Variants in SCN10A observed in about 807,000 individuals in gnomAD.
SCN10A encodes sodium channel protein type 10 subunit alpha.
Under a neutral mutation model 170.7 loss-of-function variants are expected in SCN10A, and 162 were observed. The observed-to-expected ratio is 0.95, with a 90% CI of 0.84 to 1.08. SCN10A has a LOEUF of 1.08. Ranked by LOEUF, SCN10A falls within the 50% of genes least tolerant of loss-of-function variation. The pLI is 0.00. For synonymous variants in SCN10A, 985 were observed against 904.6 expected, an observed-to-expected ratio of 1.09 and a Z score of -1.59; for missense variants, 2,527 against 2,436.9, an observed-to-expected ratio of 1.04 and a Z score of -0.78.
Position 38,728,777 on chromosome 3 carries a change from G to GCAAAGA in SCN10A, c.2399_2404dup (p.Val800_Phe801dup). 1 of 1,614,170 alleles carries GCAAAGA rather than the reference G, an allele frequency of 6.2e-7. No homozygotes were observed. Among genetic ancestry groups the GCAAAGA allele is most frequent in the Non-Finnish European group, 8.5e-7 (1 of 1,180,036 alleles). On this transcript the variant is annotated inframe_insertion, in exon 16 of 28. Transcript: ENST00000449082. ...CCCTAGGAGCTGCTTGCCAACCAGA[G>GCAAAGA]CAAAGACAAAGACAATGATGGCCAG...
At chr3:38,704,316 C>T (rs937270391) in intron 26 of SCN10A, among the ~76,000 whole-genome samples, 1 of 152,164 alleles carries the variant, frequency 6.6e-6, no homozygotes, top group Non-Finnish European at 1.5e-5. Context: ...GATTGCTGAG[C>T]CACTAATCCC....
intron 4 of SCN10A, among the ~76,000 whole-genome samples, chr3:38,787,418 T>C (rs2126055651): frequency 6.6e-6 from 1 of 152,310 alleles, no homozygotes; most frequent in East Asian, 1.9e-4. Flanking sequence ...ATCTCTAGGT[T>C]ATGTTGGATA....
At chr3:38,791,960 G>C in intron 3 of SCN10A, 90 bp downstream of exon 3, 1 of 1,492,364 alleles carries the variant, frequency 6.7e-7, no homozygotes, top group Admixed American at 2.1e-5. Flanking sequence ...ATTGGATAAG[G>C]GCTCTGTTGC....
chr3:38,717,293 A>G (rs1180020323), intron 21 of SCN10A, among the ~76,000 whole-genome samples: 2 of 152,200 alleles, frequency 1.3e-5, no homozygotes, highest in African/African-American at 4.8e-5. Flanking sequence ...TGGATACAAA[A>G]GGTGAAATGT....
intron 1 of SCN10A, among the ~76,000 whole-genome samples, chr3:38,802,238 C>T (rs552856040): frequency 6.6e-6 from 1 of 152,240 alleles, no homozygotes; most frequent in Non-Finnish European, 1.5e-5. Context: ...TGGCCAGCTT[C>T]CCAGACCCTT....
chr3:38,801,962 T>C (rs1575187483), intron 1 of SCN10A, among the ~76,000 whole-genome samples: 1 of 152,136 alleles, frequency 6.6e-6, no homozygotes, highest in African/African-American at 2.4e-5. Flanking sequence ...TAATGCTCCA[T>C]AAACACCTCA....
rs142884499 is a variant in SCN10A at position 38,792,074 on chromosome 3, G to T, written c.365C>A (p.Thr122Lys). The T allele has an allele frequency of 1.9e-6, 3 of 1,613,764 alleles. No homozygotes were observed. The highest frequency in any genetic ancestry group is 1.1e-5 in the South Asian group (1 of 91,056). Residue 122 changes from threonine to lysine, a missense_variant, in exon 3 of 28, where the codon ACG becomes AAG. Thr to Lys is a moderately conservative substitution (Grantham distance 78). Transcript: ENST00000449082. ...LFSPFNLIRR[T>K]AIKVSVHSWF... is the part of the protein sequence containing the mutation. ...TGAGTGGACAGACACTTTGATGGCCGTTCTTCTGATCAGGTTGAAAGGACT... is the reference window on the plus strand; with the variant it reads ...TGAGTGGACAGACACTTTGATGGCCTTTCTTCTGATCAGGTTGAAAGGACT...
rs375446335 is a variant in SCN10A at position 38,737,096 on chromosome 3, G to A, written c.2280+2419C>T. Among the ~76,000 whole-genome samples, 6 of 143,230 alleles carry A rather than the reference G, an allele frequency of 4.2e-5. No individual in the cohort carries two copies. The East Asian group carries it at 1.1e-3, about 26-fold the overall frequency. The allele number at this position is 143,230 out of a possible 152,430, so 94.0% of individuals were successfully genotyped here. The stretch of plus-strand genomic sequence containing the variant: ...CGCCATTCTCCTGCCTCAGCCTCCC[G>A]AGTAGCTGGGACTACAGGCGCCCGC... On this transcript the variant is annotated intron_variant, in intron 15 of 27. Transcript: ENST00000449082.
At chr3:38,783,004 ACT>A (rs1402877343) in intron 4 of SCN10A, among the ~76,000 whole-genome samples, 1 of 151,652 alleles carries the variant, frequency 6.6e-6, no homozygotes, top group Admixed American at 6.6e-5. Context: ...TCTGGGAAAG[ACT>A]CTCTTTCTAG....
chr3:38,722,507 C>T (rs2063402261), intron 19 of SCN10A, 95 bp from the exon 20 acceptor site: 6 of 1,431,468 alleles, frequency 4.2e-6, no homozygotes, highest in East Asian at 2.3e-5. Context: ...CTAGGAAACC[C>T]ACTTGTCATG....
At position 38,728,919 on chromosome 3, in the gene SCN10A, C is replaced by T. The variant is rs761678822; in HGVS notation, c.2281-18G>A. On this transcript the variant is annotated intron_variant, in intron 15 of 27. Transcript: ENST00000449082. The stretch of plus-strand genomic sequence containing the variant: ...ACGCGCAGCTGCAGAGAAACAGAGA[C>T]CGTCAGGTTTTGGTAGCTGTGCTCA... 2.5e-6 allele frequency: 4 copies of T among 1,589,548 alleles called. No individual in the cohort carries two copies. The highest frequency in any genetic ancestry group is 3.4e-6 in the Non-Finnish European group (4 of 1,165,138).
chr3:38,738,985 C>A (rs899313151), intron 15 of SCN10A, among the ~76,000 whole-genome samples: 1 of 152,188 alleles, frequency 6.6e-6, no homozygotes, highest in Non-Finnish European at 1.5e-5. Context: ...CTGGAAGGAG[C>A]TGGGGCTCTG....
chr3:38,772,000 T>C (rs150636831), intron 4 of SCN10A, among the ~76,000 whole-genome samples: 24 of 152,332 alleles, frequency 1.6e-4, no homozygotes, highest in African/African-American at 5.8e-4. Flanking sequence ...AGGAACCAGT[T>C]GAGCTTTCTA....
At chr3:38,785,256 A>G (rs2064184628) in intron 4 of SCN10A, among the ~76,000 whole-genome samples, 1 of 152,180 alleles carries the variant, frequency 6.6e-6, no homozygotes, top group Non-Finnish European at 1.5e-5. Context: ...AGTAACCAAA[A>G]CAGCGAGGTA....
Position 38,697,393 on chromosome 3 carries a change from C to T in SCN10A, c.5827G>A (p.Glu1943Lys), listed in dbSNP as rs2063100701. ...NMRTSSSIQN[E>K]DEATSMELIA... is the part of the protein sequence containing the mutation. ...AGCTCCATACTGGTGGCTTCATCTT[C>T]ATTTTGTATTGAGCTAGATGTCCTC... The change falls in exon 28 of 28, where the codon GAA (glutamate) becomes AAA (lysine). Residue 1943 changes from glutamate (E) to lysine (K), a missense_variant. Coordinates refer to ENST00000449082, the MANE Select transcript of SCN10A (RefSeq NM_006514.4). 1.2e-6 allele frequency: 2 copies of T among 1,614,076 alleles called. No individual in the cohort carries two copies. The highest frequency in any genetic ancestry group is 1.7e-6 in the Non-Finnish European group (2 of 1,180,026).
At chr3:38,748,952 C>G (rs2063720804) in intron 13 of SCN10A, among the ~76,000 whole-genome samples, 1 of 152,198 alleles carries the variant, frequency 6.6e-6, no homozygotes, top group Admixed American at 6.5e-5. Context: ...TAGCATCACC[C>G]CCCAGATATC....
In SCN10A at chr3:38,756,885, G is replaced by A. The variant is rs565790219; in HGVS notation, c.1093-14C>T. ...AGTCCTCAGGGTCTGCAGGTTCAAGGGAAAGAAGAGAAACCTGTACCCATA... is the reference window on the plus strand; with the variant it reads ...AGTCCTCAGGGTCTGCAGGTTCAAGAGAAAGAAGAGAAACCTGTACCCATA... On this transcript the variant is annotated splice_polypyrimidine_tract_variant and intron_variant, in intron 9 of 27. Transcript: ENST00000449082. The A allele has an allele frequency of 6.8e-6, 11 of 1,613,744 alleles. No individual in the cohort carries two copies. In the African/African-American group the frequency reaches 1.1e-4, roughly 16 times the overall value.
chr3:38,741,043 C>G (rs755609430), intron 14 of SCN10A, among the ~76,000 whole-genome samples: 2 of 152,162 alleles, frequency 1.3e-5, no homozygotes, highest in African/African-American at 2.4e-5. Context: ...TGTTCCAGAA[C>G]CTACTGCTGC....
At chr3:38,707,962 A>G (rs987264345) in intron 25 of SCN10A, among the ~76,000 whole-genome samples, 2 of 151,902 alleles carry the variant, frequency 1.3e-5, no homozygotes, top group African/African-American at 4.8e-5. Flanking sequence ...AACTGCACCA[A>G]CGAAGATGTT....
Sources: gnomAD v4.1 joint callset for allele counts (sites outside exome capture counted in the v4.1 genomes callset) on GRCh38, gnomAD v4.1.1 for gene constraint, MANE v1.5 for transcripts, NCBI Gene and HGNC (gene_info 2026-07-23, HGNC 2026-07-21) for gene names.